DPYSL5: variants seen among roughly 807,000 people sequenced by gnomAD.
DPYSL5 encodes the protein dihydropyrimidinase-related protein 5.
DPYSL5 carries 9 observed loss-of-function variants against 58.4 expected under a neutral mutation model. The observed-to-expected ratio is 0.15, with a 90% CI of 0.09 to 0.27. The LOEUF is 0.27. DPYSL5 is among the 10% of genes least tolerant of loss of function. The pLI is 1.00. For synonymous variants in DPYSL5, 293 were observed against 301.9 expected (o/e 0.97, Z 0.31); for missense variants, 499 against 770.6 (o/e 0.65, Z 4.17).
chr2:26,908,380 C>T (rs1054114995), intron 2 of DPYSL5, among the ~76,000 whole-genome samples: 11 of 152,168 alleles, frequency 7.2e-5, no homozygotes, highest in African/African-American at 2.4e-4. Flanking sequence ...AAATAGCCAG[C>T]AATAAACTCT....
chr2:26,943,007 G>A lies in DPYSL5; in HGVS notation c.1440+257G>A, dbSNP rs535524888. On this transcript the variant is annotated intron_variant, in intron 11 of 12. Coordinates refer to ENST00000288699, the MANE Select transcript of DPYSL5 (RefSeq NM_020134.4). The stretch of plus-strand genomic sequence containing the variant: ...GCAGCAGGGCTCCTGAGTTGCTGAG[G>A]GCACAAGTGGGAAATGTGAGTGTGT... Among the ~76,000 whole-genome samples, 39 of 152,330 alleles carry A rather than the reference G, an allele frequency of 2.6e-4. No individual in the cohort carries two copies. The South Asian group carries it at 7.9e-3, about 31-fold the overall frequency.
intron 2 of DPYSL5, among the ~76,000 whole-genome samples, chr2:26,903,382 G>C (rs1298734664): frequency 6.6e-6 from 1 of 152,156 alleles, no homozygotes; most frequent in Non-Finnish European, 1.5e-5. Flanking sequence ...ACTGTAAAAT[G>C]GTCCTGAATT....
chr2:26,938,815 C>T (rs901324870), intron 8 of DPYSL5: 2 of 152,332 alleles, frequency 1.3e-5, no homozygotes, highest in Non-Finnish European at 2.9e-5. Context: ...TCAGGGCACC[C>T]ACAGTGTGGT....
At chr2:26,896,229 T>C (rs1212153844) in intron 1 of DPYSL5, among the ~76,000 whole-genome samples, 1 of 152,234 alleles carries the variant, frequency 6.6e-6, no homozygotes, top group East Asian at 1.9e-4. Context: ...CTCCCCCTTT[T>C]TTATGGCTGA....
At chr2:26,891,107 G>C (rs944141227) in intron 1 of DPYSL5, among the ~76,000 whole-genome samples, 1 of 152,124 alleles carries the variant, frequency 6.6e-6, no homozygotes, top group Non-Finnish European at 1.5e-5. Context: ...AACTAGTTGT[G>C]GGACCTTAAG....
intron 6 of DPYSL5, among the ~76,000 whole-genome samples, chr2:26,932,159 GA>G (rs1296824988): frequency 1.7e-5 from 1 of 57,284 alleles, no homozygotes; most frequent in Non-Finnish European, 3.6e-5. Context: ...AAGAAAGAAA[GA>G]AAGAAAGAAA....
In DPYSL5 at chr2:26,927,456, G is replaced by T. The variant is rs752459748; in HGVS notation, c.600+24G>T. ...AGGCAAGTCTGCAGCCAAGAATATT[G>T]GATGGAGGGACACCAGTGGAGACAG... On this transcript the variant is annotated intron_variant, in intron 4 of 12. Coordinates refer to ENST00000288699, the MANE Select transcript of DPYSL5 (RefSeq NM_020134.4). The surrounding 1 kb of genome is among the most constrained non-coding windows in gnomAD (Gnocchi z 4.3). 1 of 1,610,624 alleles carries T rather than the reference G, an allele frequency of 6.2e-7. No homozygotes were observed. The highest frequency in any genetic ancestry group is 8.5e-7 in the Non-Finnish European group (1 of 1,178,332).
chr2:26,922,308 G>A (rs1024581772), intron 2 of DPYSL5, among the ~76,000 whole-genome samples: 1 of 152,228 alleles, frequency 6.6e-6, no homozygotes, highest in Non-Finnish European at 1.5e-5. Context: ...TGGGCTGGGG[G>A]CAGGCACAGA....
At chr2:26,928,686 A>AGT (rs200560778) in intron 5 of DPYSL5, among the ~76,000 whole-genome samples, 3,096 of 19,608 alleles carry the variant, frequency 0.16, 438 homozygotes, top group Middle Eastern at 0.36. Flanking sequence ...AAGGTGATAG[A>AGT]GTATATATAT....
In DPYSL5 at chr2:26,927,260, C is replaced by T. The variant is rs1337453635; in HGVS notation, c.428C>T (p.Ala143Val). Residue 143 changes from alanine (A) to valine (V), a missense_variant, in exon 4 of 13, where the codon GCA (alanine) becomes GTA (valine). By Grantham distance (64) the Ala-to-Val change is moderately conservative. Around this residue, in one of 3 missense-constraint regions of DPYSL5, gnomAD observed 404 missense variants for 647.6 expected, o/e 0.62. Coordinates refer to ENST00000288699, the MANE Select transcript of DPYSL5 (RefSeq NM_020134.4). The surrounding 1 kb of genome is among the most constrained non-coding windows in gnomAD (Gnocchi z 4.3). ...CTTCTACTTGTTCTCCAGGTGAAAGCAGAAATGGAGACACTGGTGAGGGAG... is the reference window on the plus strand; with the variant it reads ...CTTCTACTTGTTCTCCAGGTGAAAGTAGAAATGGAGACACTGGTGAGGGAG... ...GITWWAPKVKAEMETLVREKG... is the reference protein window; with the variant it reads ...GITWWAPKVKVEMETLVREKG... 6.2e-7 allele frequency: 1 copy of T among 1,613,040 alleles called. No homozygotes were observed. The highest frequency in any genetic ancestry group is 8.5e-7 in the Non-Finnish European group (1 of 1,179,572).
intron 2 of DPYSL5, among the ~76,000 whole-genome samples, chr2:26,918,172 G>A (rs1363678654): frequency 6.9e-6 from 1 of 145,062 alleles, no homozygotes; most frequent in East Asian, 2.1e-4. Flanking sequence ...AGCAAGTGCA[G>A]AGCCCTTCTA....
Position 26,934,615 on chromosome 2 carries a change from C to T in DPYSL5, c.828C>T (p.Ala276=). 6.2e-7 allele frequency: 1 copy of T among 1,613,618 alleles called. No homozygotes were observed. Among genetic ancestry groups the T allele is most frequent in the Non-Finnish European group, 8.5e-7 (1 of 1,180,032 alleles). Residue 276 remains alanine, a synonymous_variant, in exon 8 of 13, where the codon GCC becomes GCT. Coordinates refer to ENST00000288699, the MANE Select transcript of DPYSL5 (RefSeq NM_020134.4). This position sits in a 1 kb window ranked among gnomAD's most constrained non-coding sequence, Gnocchi z 4.3. ...TGGCGGAGACCACCACTGCACATGC[C>T]ACGCTGACAGGCTTACACTACTACC... ...VVLAETTTAH[A]TLTGLHYYHQ... is the part of the protein sequence containing the mutation.
At chr2:26,854,346 C>T (rs560381268) in intron 1 of DPYSL5, among the ~76,000 whole-genome samples, 78 of 152,244 alleles carry the variant, frequency 5.1e-4, no homozygotes, top group African/African-American at 1.9e-3. Flanking sequence ...GTAGCCCCAG[C>T]TACTCAGGAG....
chr2:26,913,822 C>G (rs963546190), intron 2 of DPYSL5, among the ~76,000 whole-genome samples: 1 of 152,066 alleles, frequency 6.6e-6, no homozygotes, highest in Non-Finnish European at 1.5e-5. Flanking sequence ...GGGAATTCAC[C>G]CAATTCATTC....
In DPYSL5 at chr2:26,934,538, G is replaced by A. The variant is rs200161725; in HGVS notation, c.791-40G>A. ...CACACACCAGCGATCGCTCAGGTTC[G>A]GTGGCTTCCTGGTTATGGTTCTGAC... On this transcript the variant is annotated intron_variant, in intron 7 of 12. Transcript: ENST00000288699. The surrounding 1 kb of genome is among the most constrained non-coding windows in gnomAD (Gnocchi z 4.3). 68 of 1,595,530 alleles carry A rather than the reference G, an allele frequency of 4.3e-5. No individual in the cohort carries two copies. Among genetic ancestry groups the A allele is most frequent in the African/African-American group, 2.7e-5 (2 of 74,682 alleles).
intron 12 of DPYSL5, among the ~76,000 whole-genome samples, chr2:26,945,751 G>A (rs1206629726): frequency 6.6e-6 from 1 of 152,232 alleles, no homozygotes; most frequent in Non-Finnish European, 1.5e-5. Context: ...TGGGTACGGC[G>A]AGAGGCGCAA....
intron 2 of DPYSL5, among the ~76,000 whole-genome samples, chr2:26,917,158 G>A (rs1023854317): frequency 6.6e-6 from 1 of 152,188 alleles, no homozygotes; most frequent in African/African-American, 2.4e-5. Flanking sequence ...AAGTGACGGA[G>A]CTGGAATTTA....
At chr2:26,940,218 C>T (rs768427591) in intron 9 of DPYSL5, 46 bp downstream of exon 9, 1 of 1,601,302 alleles carries the variant, frequency 6.2e-7, no homozygotes, top group African/African-American at 1.3e-5. Context: ...TGCTCTAATC[C>T]CCGTTTCATC....
chr2:26,860,207 T>G (rs541465708), intron 1 of DPYSL5, among the ~76,000 whole-genome samples: 1 of 152,306 alleles, frequency 6.6e-6, no homozygotes, highest in East Asian at 1.9e-4. Flanking sequence ...TTAGGTGCTT[T>G]GTGACATATA....
Sources: allele counts gnomAD v4.1 joint callset (sites outside exome capture counted in the v4.1 genomes callset), GRCh38; gene constraint gnomAD v4.1.1; regional missense constraint gnomAD v4.1.1; non-coding constraint Gnocchi (gnomAD v3.1); transcripts MANE v1.5; gene names NCBI Gene and HGNC (gene_info 2026-07-23, HGNC 2026-07-21).